FGF12: variants seen among roughly 807,000 people sequenced by gnomAD.
The protein encoded by FGF12 is fibroblast growth factor 12.
Under a neutral mutation model 23.6 loss-of-function variants are expected in FGF12, and 14 were observed. The ratio of observed to expected loss-of-function variants is 0.59; its 90% CI spans 0.39 to 0.93. The LOEUF (loss-of-function observed/expected upper bound fraction) is 0.93, where lower values mean the gene tolerates loss of function less well. FGF12 is among the 40% of genes least tolerant of loss of function. The pLI is 0.00. For missense variants in FGF12, 175 were observed against 217.8 expected (o/e 0.80, Z 1.24); for synonymous variants, 62 against 77.3 (o/e 0.80, Z 1.04).
At chr3:192,656,048 A>G (rs1283070200) in intron 2 of FGF12, among the ~76,000 whole-genome samples, 2 of 151,726 alleles carry the variant, frequency 1.3e-5, no homozygotes, top group Non-Finnish European at 2.9e-5. Flanking sequence ...GGCAAAAAAA[A>G]AAAAAAAAAA....
intron 2 of FGF12, among the ~76,000 whole-genome samples, chr3:192,392,041 C>T (rs1187233121): frequency 6.6e-6 from 1 of 152,146 alleles, no homozygotes; most frequent in African/African-American, 2.4e-5. Context: ...AAGCCACTCC[C>T]GACTTGCTGA....
intron 2 of FGF12, among the ~76,000 whole-genome samples, chr3:192,521,614 G>C (rs1432012314): frequency 1.3e-5 from 2 of 152,032 alleles, no homozygotes; most frequent in African/African-American, 4.8e-5. Context: ...CCTATCACCT[G>C]AACACGTCTC....
At chr3:192,353,591 G>A (rs1013753317) in intron 3 of FGF12, among the ~76,000 whole-genome samples, 2 of 151,910 alleles carry the variant, frequency 1.3e-5, no homozygotes, top group African/African-American at 2.4e-5. Context: ...GGATGGTCTC[G>A]ATCACCTGAC....
intron 2 of FGF12, among the ~76,000 whole-genome samples, chr3:192,648,179 T>C (rs1052503947): frequency 7.2e-5 from 11 of 152,132 alleles, no homozygotes; most frequent in African/African-American, 2.2e-4. Context: ...ATTTTTACTA[T>C]TATTATTGTT....
intron 4 of FGF12, among the ~76,000 whole-genome samples, chr3:192,227,515 C>A (rs1209257476): frequency 6.8e-6 from 1 of 147,528 alleles, no homozygotes; most frequent in Non-Finnish European, 1.5e-5. Flanking sequence ...AATGTTTAAC[C>A]AGGGAAAAAA....
chr3:192,715,324 AAG>A (rs1245828881), intron 2 of FGF12, among the ~76,000 whole-genome samples: 1 of 152,218 alleles, frequency 6.6e-6, no homozygotes, highest in Non-Finnish European at 1.5e-5. Context: ...TTCATGAGGA[AAG>A]AGTGTCAGTA....
chr3:192,253,818 G>A (rs1438689707), intron 4 of FGF12, among the ~76,000 whole-genome samples: 1 of 151,964 alleles, frequency 6.6e-6, no homozygotes, highest in Non-Finnish European at 1.5e-5. Flanking sequence ...ATGTATTATT[G>A]TTAACATAAG....
intron 2 of FGF12, among the ~76,000 whole-genome samples, chr3:192,643,300 T>A (rs80025191): frequency 0.029 from 4,470 of 152,232 alleles, 187 homozygotes; most frequent in African/African-American, 0.1. Flanking sequence ...TACAAAATTT[T>A]TAAAAAATTA....
At chr3:192,432,435 A>G (rs114037774) in intron 2 of FGF12, among the ~76,000 whole-genome samples, 3 of 152,162 alleles carry the variant, frequency 2.0e-5, no homozygotes, top group South Asian at 4.1e-4. Context: ...CTTCGACATA[A>G]GTAGGAGACC....
chr3:192,337,085 A>C (rs1222296897), intron 3 of FGF12, among the ~76,000 whole-genome samples: 2 of 152,170 alleles, frequency 1.3e-5, no homozygotes, highest in Non-Finnish European at 2.9e-5. Context: ...TGTTACTGAA[A>C]CAACTTAAGA....
intron 4 of FGF12, among the ~76,000 whole-genome samples, chr3:192,171,807 T>C (rs1397277425): frequency 6.6e-6 from 1 of 151,950 alleles, no homozygotes; most frequent in Non-Finnish European, 1.5e-5. Flanking sequence ...TATTAATGAA[T>C]ATAGGTTGGT....
chr3:192,424,774 A>T (rs966298683), intron 2 of FGF12, among the ~76,000 whole-genome samples: 2 of 152,142 alleles, frequency 1.3e-5, no homozygotes, highest in African/African-American at 4.8e-5. Flanking sequence ...ACACACACAC[A>T]AACACACACA....
At chr3:192,164,208 C>T (rs1715033632) in intron 5 of FGF12, among the ~76,000 whole-genome samples, 1 of 152,124 alleles carries the variant, frequency 6.6e-6, no homozygotes, top group South Asian at 2.1e-4. Context: ...CACTAAAACA[C>T]TTTACATCTG....
chr3:192,577,509 C>A (rs1712961220), intron 2 of FGF12, among the ~76,000 whole-genome samples: 1 of 152,102 alleles, frequency 6.6e-6, no homozygotes, highest in African/African-American at 2.4e-5. Flanking sequence ...ATGCTATGTG[C>A]ATTTTGGCAG....
chr3:192,684,812 C>T (rs1440100015), intron 2 of FGF12, among the ~76,000 whole-genome samples: 2 of 152,110 alleles, frequency 1.3e-5, no homozygotes, highest in Non-Finnish European at 2.9e-5. Context: ...TCATTCATAT[C>T]ATAGTCTTCA....
intron 2 of FGF12, among the ~76,000 whole-genome samples, chr3:192,548,427 A>C (rs777923908): frequency 1.3e-5 from 2 of 152,202 alleles, no homozygotes; most frequent in Non-Finnish European, 1.5e-5. Context: ...AGGCATAGGG[A>C]AATGAATCAC....
chr3:192,298,214 C>CA (rs1285741617), intron 4 of FGF12, among the ~76,000 whole-genome samples: 1 of 152,142 alleles, frequency 6.6e-6, no homozygotes, highest in African/African-American at 2.4e-5. Context: ...CTGCTATCTG[C>CA]AAATCACTGA....
At chr3:192,372,287 T>G (rs141005774) in intron 2 of FGF12, among the ~76,000 whole-genome samples, 4 of 152,260 alleles carry the variant, frequency 2.6e-5, no homozygotes, top group African/African-American at 9.6e-5. Context: ...TTATCCAGGT[T>G]GGCAAGCCTG....
intron 2 of FGF12, among the ~76,000 whole-genome samples, chr3:192,694,534 T>C (rs931305417): frequency 6.6e-6 from 1 of 152,076 alleles, no homozygotes. Context: ...AATTGTGGTG[T>C]ATATACATAT....
Sources: gnomAD v4.1 joint callset for allele counts (sites outside exome capture counted in the v4.1 genomes callset) on GRCh38, gnomAD v4.1.1 for gene constraint, MANE v1.5 for transcripts, NCBI Gene and HGNC (gene_info 2026-07-23, HGNC 2026-07-21) for gene names.